The following SUZ12 variants were observed in gnomAD, a reference collection of about 807,000 sequenced individuals.
SUZ12 encodes the protein SUZ12 polycomb repressive complex 2 subunit, also known as polycomb protein SUZ12.
In SUZ12, 17 loss-of-function variants were observed where a neutral mutation model predicts 87.3. The ratio of observed to expected loss-of-function variants is 0.19; its 90% CI spans 0.13 to 0.29. The LOEUF (loss-of-function observed/expected upper bound fraction) is 0.29, where lower values mean the gene tolerates loss of function less well. SUZ12 is among the 10% of genes least tolerant of loss of function. The pLI, the probability that SUZ12 is intolerant of heterozygous loss-of-function variation, is 1.00. For missense variants in SUZ12, 526 were observed against 912.2 expected (o/e 0.58, Z 5.45); for synonymous variants, 253 against 312.4 (o/e 0.81, Z 2.01).
Position 31,998,677 on chromosome 17 carries a change from A to G in SUZ12, c.1894A>G (p.Met632Val). Residue 632 changes from methionine (M) to valine (V), a missense_variant, in exon 16 of 16, where the codon ATG (methionine) becomes GTG (valine). Coordinates refer to ENST00000322652, the MANE Select transcript of SUZ12 (RefSeq NM_015355.4). ...MKHGFIADNQ[M>V]NHACMLFVEN... ...AAATAGGTTTATTGCTGACAATCAA[A>G]TGAATCATGCCTGTATGCTGTTTGT... The G allele has an allele frequency of 6.4e-7, 1 of 1,555,516 alleles. No homozygotes were observed. Among genetic ancestry groups the G allele is most frequent in the Non-Finnish European group, 8.7e-7 (1 of 1,153,070 alleles).
intron 9 of SUZ12, among the ~76,000 whole-genome samples, chr17:31,986,788 G>A (rs534555778): frequency 1.3e-5 from 2 of 152,210 alleles, no homozygotes; most frequent in South Asian, 2.1e-4. Flanking sequence ...CTGACCTCAC[G>A]ATCTGCCCTC....
chr17:31,988,882 A>G (rs1483645306), intron 10 of SUZ12, among the ~76,000 whole-genome samples: 1 of 151,708 alleles, frequency 6.6e-6, no homozygotes, highest in Non-Finnish European at 1.5e-5. Context: ...CATCCTGGCT[A>G]ACACGGTGAA....
chr17:31,942,312 A>T (rs543910372), intron 3 of SUZ12, among the ~76,000 whole-genome samples: 1 of 151,292 alleles, frequency 6.6e-6, no homozygotes, highest in Non-Finnish European at 1.5e-5. Flanking sequence ...GTCTCATTTT[A>T]TATCTTTGGT....
chr17:31,970,694 G>A (rs1310908204), intron 5 of SUZ12, among the ~76,000 whole-genome samples: 5 of 151,916 alleles, frequency 3.3e-5, no homozygotes, highest in African/African-American at 1.2e-4. Context: ...CCAGCTACTC[G>A]GGAGGCTGAG....
At chr17:31,966,859 A>G (rs1908121402) in intron 5 of SUZ12, 1 of 152,228 alleles carries the variant, frequency 6.6e-6, no homozygotes, top group Non-Finnish European at 1.5e-5. Context: ...AGCTCAAAGC[A>G]TGCTGGAAAG....
intron 10 of SUZ12, among the ~76,000 whole-genome samples, chr17:31,990,121 A>ATTTTTTTTTTTTTTTT (rs59793925): frequency 1.2e-4 from 12 of 99,846 alleles, no homozygotes; most frequent in African/African-American, 4.6e-4. Flanking sequence ...TGCCCGGCTA[A>ATTTTTTTTTTTTTTTT]TTTTTTTTTT....
chr17:31,977,378 T>C (rs1598174992), intron 8 of SUZ12, among the ~76,000 whole-genome samples: 1 of 151,752 alleles, frequency 6.6e-6, no homozygotes, highest in East Asian at 2.0e-4. Context: ...CACCTGGGTT[T>C]GAGCAAGTCT....
intron 5 of SUZ12, among the ~76,000 whole-genome samples, chr17:31,972,476 G>T (rs993443724): frequency 1.3e-5 from 2 of 151,450 alleles, no homozygotes; most frequent in African/African-American, 4.9e-5. Context: ...GCAGTGACAG[G>T]ATCATAGCTC....
intron 4 of SUZ12, among the ~76,000 whole-genome samples, chr17:31,962,837 AAGT>A (rs1335660260): frequency 2.6e-5 from 4 of 152,354 alleles, no homozygotes; most frequent in East Asian, 3.9e-4. Context: ...GATAGATAAA[AAGT>A]AGATTCTTAT....
chr17:31,970,142 T>G (rs1908329647), intron 5 of SUZ12, among the ~76,000 whole-genome samples: 1 of 152,222 alleles, frequency 6.6e-6, no homozygotes, highest in Admixed American at 6.5e-5. Flanking sequence ...CTTCTTAGAA[T>G]GAATACACAA....
chr17:31,979,765 G>T (rs1003821401), intron 8 of SUZ12, among the ~76,000 whole-genome samples: 9 of 152,130 alleles, frequency 5.9e-5, no homozygotes, highest in African/African-American at 2.2e-4. Flanking sequence ...ATATAAATCA[G>T]CATATAATTC....
intron 3 of SUZ12, among the ~76,000 whole-genome samples, chr17:31,942,760 T>C (rs1188922840): frequency 6.6e-6 from 1 of 152,222 alleles, no homozygotes; most frequent in African/African-American, 2.4e-5. Flanking sequence ...GACAGCTTAT[T>C]TTTGCTGTGT....
chr17:31,937,152 C>A lies in SUZ12; in HGVS notation c.-95C>A. 8.8e-7 allele frequency: 1 copy of A among 1,132,604 alleles called. No homozygotes were observed. 70.2% of individuals were successfully genotyped at this position (1,132,604 alleles called of 1,614,324 possible). On this transcript the variant is annotated 5_prime_UTR_variant, in exon 1 of 16. Coordinates refer to ENST00000322652, the MANE Select transcript of SUZ12 (RefSeq NM_015355.4). ...CTCTCCTCCTTCCCCCCTCGGTCCG[C>A]CGGAGCCTGCTGGGGCGAGCGGTTG...
intron 8 of SUZ12, among the ~76,000 whole-genome samples, chr17:31,979,217 G>A (rs1285474737): frequency 2.7e-5 from 4 of 149,424 alleles, no homozygotes; most frequent in Admixed American, 6.7e-5. Flanking sequence ...TTAACATTTT[G>A]CCACATTTGA....
rs191781014 is a variant in SUZ12 at position 31,974,388 on chromosome 17, G to A, written c.592-1094G>A. On this transcript the variant is annotated intron_variant, in intron 6 of 15. Transcript: ENST00000322652. ...TAAAAATATAAAAAATTAGCCAGGC[G>A]TGGTGATGGGCACCTGTAGTGCCAG... is the stretch of plus-strand genomic sequence containing the variant. Among the ~76,000 whole-genome samples the A allele has an allele frequency of 5.6e-4, 85 of 152,236 alleles. No individual in the cohort carries two copies. The Middle Eastern group carries it at 0.014, about 24-fold the overall frequency.
At chr17:31,989,994 G>C (rs1215553941) in intron 10 of SUZ12, among the ~76,000 whole-genome samples, 1 of 150,878 alleles carries the variant, frequency 6.6e-6, no homozygotes, top group Non-Finnish European at 1.5e-5. Flanking sequence ...ATGGAGTCTC[G>C]CCCAGGCTGG....
chr17:31,989,366 T>G (rs561341), intron 10 of SUZ12, among the ~76,000 whole-genome samples: 16,250 of 152,104 alleles, frequency 0.11, 1,067 homozygotes, highest in Middle Eastern at 0.15. Flanking sequence ...TTGTGCCAAG[T>G]GTGCCTAGAA....
chr17:31,941,734 A>T (rs952063761), intron 3 of SUZ12, among the ~76,000 whole-genome samples: 1 of 151,766 alleles, frequency 6.6e-6, no homozygotes, highest in African/African-American at 2.4e-5. Context: ...TATTTTTGGT[A>T]GAGATGGGGT....
In SUZ12 at chr17:31,975,378, A is replaced by G. The variant is rs939107318; in HGVS notation, c.592-104A>G. On this transcript the variant is annotated intron_variant, in intron 6 of 15. Transcript: ENST00000322652. ...AATTTTAACATTCCATTTGGTGATC[A>G]TGGCCTATCTCCCGTGTTTCCTATA... The G allele has an allele frequency of 9.5e-6, 7 of 740,454 alleles. No homozygotes were observed. In the African/African-American group the frequency reaches 1.1e-4, roughly 11 times the overall value. The allele number at this position is 740,454 out of a possible 1,614,324, so 45.9% of individuals were successfully genotyped here. A position where few individuals can be genotyped will look rare whatever the true frequency, so the allele number is the denominator to read the frequency against.
Sources: gnomAD v4.1 joint callset for allele counts (sites outside exome capture counted in the v4.1 genomes callset) on GRCh38, gnomAD v4.1.1 for gene constraint, MANE v1.5 for transcripts, NCBI Gene and HGNC (gene_info 2026-07-23, HGNC 2026-07-21) for gene names.